Variants in ART3 observed in about 807,000 individuals in gnomAD.
The protein encoded by ART3 is ecto-ADP-ribosyltransferase 3.
In ART3, 49 loss-of-function variants were observed where a neutral mutation model predicts 48.5. The observed-to-expected ratio is 1.01, with a 90% CI of 0.80 to 1.28. The LOEUF (loss-of-function observed/expected upper bound fraction) is 1.28. ART3 is among the 50% of genes most tolerant of loss of function. The probability of loss-of-function intolerance (pLI) is 0.00; values close to 1 mark genes in which losing one functional copy is unlikely to be tolerated. For missense variants in ART3, 438 were observed against 454.3 expected (o/e 0.96, Z 0.33); for synonymous variants, 145 against 157.2 (o/e 0.92, Z 0.58).
At position 76,046,439 on chromosome 4, in the gene ART3, G is replaced by T. The variant is rs1456372867; in HGVS notation, c.-9-29442G>T. Among the ~76,000 whole-genome samples, 2 of 152,050 alleles carry T rather than the reference G, an allele frequency of 1.3e-5. 1 individual carries two copies. Among genetic ancestry groups the T allele is most frequent in the South Asian group, 4.2e-4 (2 of 4,814 alleles). ...GTTCGGTTTTTGTACTCCTAGAACT[G>T]GGGTGTTGCAGGGACTGCTGCATTT... is the stretch of plus-strand genomic sequence containing the variant. On this transcript the variant is annotated intron_variant, in intron 1 of 9. Coordinates refer to the ART3 transcript ENST00000341029.
intron 5 of ART3, 128 bp from the exon 6 acceptor site, chr4:76,100,163 A>G: frequency 1.2e-6 from 1 of 800,692 alleles, no homozygotes; most frequent in South Asian, 1.7e-5. Flanking sequence ...TTAGTAGGGT[A>G]GTTTCCTGGA....
chr4:76,083,421 C>T (rs139804563), intron 3 of ART3, among the ~76,000 whole-genome samples: 58 of 152,086 alleles, frequency 3.8e-4, no homozygotes, highest in Non-Finnish European at 7.1e-4. Flanking sequence ...CCTCATCTAC[C>T]GTGTATTAGT....
chr4:76,088,041 C>T (rs1723990392), intron 3 of ART3, among the ~76,000 whole-genome samples: 1 of 151,976 alleles, frequency 6.6e-6, no homozygotes, highest in Non-Finnish European at 1.5e-5. Context: ...GCAGCCTGGG[C>T]AACATAATGA....
At chr4:76,022,913 T>C (rs1349429213) in intron 1 of ART3, 5 of 1,231,498 alleles carry the variant, frequency 4.1e-6, no homozygotes, top group Non-Finnish European at 5.7e-6. Flanking sequence ...TATATCCCCA[T>C]ATCAGCAAAT....
At chr4:76,072,797 G>T (rs970314947), upstream of ART3, among the ~76,000 whole-genome samples, 1 of 151,700 alleles carries the variant, frequency 6.6e-6, no homozygotes, top group African/African-American at 2.4e-5. Flanking sequence ...AACCATATTG[G>T]CCTGCTTACT....
At chr4:76,013,298 T>C (rs577827435) in intron 1 of ART3, among the ~76,000 whole-genome samples, 1 of 152,286 alleles carries the variant, frequency 6.6e-6, no homozygotes, top group Non-Finnish European at 1.5e-5. Flanking sequence ...GGGTGGACGG[T>C]AGAGTGAATA....
At chr4:76,066,379 C>G (rs527921600) in intron 1 of ART3, among the ~76,000 whole-genome samples, 14 of 152,194 alleles carry the variant, frequency 9.2e-5, no homozygotes, top group Middle Eastern at 3.4e-3. Flanking sequence ...TGGGTAGCTC[C>G]CCTCTGTGGG....
In ART3 at chr4:76,081,907, C is replaced by G; in HGVS notation, c.153C>G (p.Tyr51Ter). ...GTACGGACAGGATGGAAATTAAATA[C>G]GTTCCCCAACTGCTAAAGGAGGAAA... Reference protein sequence around the residue: ...LKCTDRMEIKYVPQLLKEEKA... With the variant: ...LKCTDRMEIK The change falls in exon 3 of 12, where the codon TAC (tyrosine) becomes TAG (stop). Residue 51 changes from tyrosine to a stop codon, truncating the protein, a stop_gained. Transcript: ENST00000355810. LOFTEE classifies it high-confidence loss of function. The G allele has an allele frequency of 6.2e-7, 1 of 1,614,112 alleles. No individual in the cohort carries two copies. The highest frequency in any genetic ancestry group is 8.5e-7 in the Non-Finnish European group (1 of 1,180,020).
chr4:76,109,007 G>A (rs6836715), intron 11 of ART3, among the ~76,000 whole-genome samples: 21,826 of 152,056 alleles, frequency 0.14, 1,718 homozygotes, highest in East Asian at 0.35. Flanking sequence ...GTGAAGGCCT[G>A]GGACACTACT....
intron 1 of ART3, among the ~76,000 whole-genome samples, chr4:76,013,122 C>T (rs1731951613): frequency 6.6e-6 from 1 of 152,168 alleles, no homozygotes; most frequent in Non-Finnish European, 1.5e-5. Context: ...ATTGGAGGTA[C>T]AGAGAAGTGC....
chr4:76,018,999 C>T (rs1445202700), intron 1 of ART3, among the ~76,000 whole-genome samples: 7 of 149,638 alleles, frequency 4.7e-5, no homozygotes, highest in Non-Finnish European at 1.0e-4. Flanking sequence ...CGAGATCACA[C>T]CATTTGCACT....
chr4:76,022,059 T>C (rs1193451692), intron 1 of ART3: 7 of 1,021,646 alleles, frequency 6.9e-6, no homozygotes, highest in South Asian at 2.6e-5. Flanking sequence ...GCTTTCCTGC[T>C]GCTATGCATT....
chr4:76,104,516 C>T (rs1368004805), intron 9 of ART3, 81 bp from the exon 10 acceptor site: 19 of 1,548,358 alleles, frequency 1.2e-5, no homozygotes, highest in Non-Finnish European at 1.5e-5. Context: ...GCTTGCATCT[C>T]TTAAGCTCAG....
intron 10 of ART3, among the ~76,000 whole-genome samples, chr4:76,106,826 T>C (rs1728574327): frequency 6.6e-6 from 1 of 152,174 alleles, no homozygotes; most frequent in Non-Finnish European, 1.5e-5. Flanking sequence ...GTGATTTCCT[T>C]GAAATGCATG....
intron 1 of ART3, among the ~76,000 whole-genome samples, chr4:76,030,616 A>G (rs1733791811): frequency 6.6e-6 from 1 of 152,090 alleles, no homozygotes; most frequent in Admixed American, 6.6e-5. Context: ...GAAACTCCAT[A>G]CTCATTAAGT....
chr4:76,097,132 G>A (rs1461492554), intron 3 of ART3, among the ~76,000 whole-genome samples: 3 of 152,164 alleles, frequency 2.0e-5, no homozygotes, highest in African/African-American at 7.2e-5. Flanking sequence ...ATTCCGGAAA[G>A]CTTAGGTGTT....
chr4:76,031,363 A>T (rs1733857580), intron 1 of ART3, among the ~76,000 whole-genome samples: 2 of 25,142 alleles, frequency 8.0e-5, no homozygotes, highest in East Asian at 0.083. Context: ...AGAAATGTTA[A>T]AAAAAAATTG....
intron 1 of ART3, chr4:76,037,161 G>A (rs1245209337): frequency 9.8e-5 from 15 of 152,754 alleles, no homozygotes; most frequent in Admixed American, 9.8e-4. Flanking sequence ...TTGTATTAGG[G>A]ATCATAAAAA....
chr4:76,059,621 G>GGAAAAA lies in ART3; in HGVS notation c.-9-16255_-9-16250dup, dbSNP rs1719013417. Among the ~76,000 whole-genome samples the GGAAAAA allele has an allele frequency of 2.0e-5, 3 of 152,130 alleles. No individual in the cohort carries two copies. The South Asian group carries it at 6.2e-4, about 32-fold the overall frequency. On this transcript the variant is annotated intron_variant, in intron 1 of 9. Coordinates refer to the ART3 transcript ENST00000341029. ...TTTTCCTCCTTGTAGGTAGCTTAAA[G>GGAAAAA]GAAAAAGAAATGTCCTTTCAGTACT...
Sources: allele counts gnomAD v4.1 joint callset (sites outside exome capture counted in the v4.1 genomes callset), GRCh38; gene constraint gnomAD v4.1.1; transcripts MANE v1.5; gene names NCBI Gene and HGNC (gene_info 2026-07-23, HGNC 2026-07-21).